The following FAF1 variants were observed in gnomAD, a reference collection of about 807,000 sequenced individuals.
The protein encoded by FAF1 is FAS-associated factor 1.
A neutral mutation model predicts 92.5 loss-of-function variants in FAF1; 25 were observed. The observed-to-expected ratio is 0.27, with a 90% confidence interval of 0.20 to 0.38. The LOEUF is 0.38. Ranked by LOEUF, FAF1 falls within the 10% of genes least tolerant of loss-of-function variation. The pLI is 1.00. For synonymous variants in FAF1, 234 were observed against 273.2 expected (o/e 0.86, Z 1.42); for missense variants, 636 against 793.3 (o/e 0.80, Z 2.38).
chr1:50,601,004 A>G (rs1652096367), intron 8 of FAF1, among the ~76,000 whole-genome samples: 1 of 152,198 alleles, frequency 6.6e-6, no homozygotes. Flanking sequence ...CAAGTGCAAA[A>G]GGATCCTGAG....
chr1:50,773,639 A>G (rs1356319611), intron 4 of FAF1, among the ~76,000 whole-genome samples: 5 of 152,206 alleles, frequency 3.3e-5, no homozygotes, highest in African/African-American at 1.2e-4. Flanking sequence ...GAATCCACAT[A>G]TGAAGTAGAG....
intron 6 of FAF1, among the ~76,000 whole-genome samples, chr1:50,715,427 T>C (rs6693790): frequency 0.43 from 66,018 of 151,886 alleles, 15,506 homozygotes; most frequent in African/African-American, 0.59. Flanking sequence ...CACAGAAAGG[T>C]CCTGTCTCAA....
chr1:50,915,616 G>A (rs1006451084), intron 1 of FAF1, among the ~76,000 whole-genome samples: 1 of 151,888 alleles, frequency 6.6e-6, no homozygotes, highest in Non-Finnish European at 1.5e-5. Context: ...GCAGGGGGCT[G>A]AAAATAGGAG....
At chr1:50,547,143 T>C (rs892361419) in intron 13 of FAF1, among the ~76,000 whole-genome samples, 1 of 151,954 alleles carries the variant, frequency 6.6e-6, no homozygotes, top group Non-Finnish European at 1.5e-5. Context: ...TCCACTGGCC[T>C]CACCCTCCCA....
intron 12 of FAF1, among the ~76,000 whole-genome samples, chr1:50,579,689 T>C (rs1327319894): frequency 5.3e-5 from 8 of 152,176 alleles, no homozygotes; most frequent in African/African-American, 1.7e-4. Context: ...AAGGAAACAA[T>C]CACACAAATC....
At chr1:50,705,183 G>T (rs529618813) in intron 7 of FAF1, among the ~76,000 whole-genome samples, 65 of 152,264 alleles carry the variant, frequency 4.3e-4, no homozygotes, top group Admixed American at 2.6e-3. Flanking sequence ...TGGGGCCCAA[G>T]GCATACCAAC....
intron 15 of FAF1, among the ~76,000 whole-genome samples, chr1:50,525,459 G>A (rs1247494607): frequency 6.6e-6 from 1 of 152,180 alleles, no homozygotes; most frequent in Non-Finnish European, 1.5e-5. Context: ...TTTTGTTGGT[G>A]TGGAATCTCT....
chr1:50,939,376 G>C (rs959186569), intron 1 of FAF1, among the ~76,000 whole-genome samples: 4 of 152,126 alleles, frequency 2.6e-5, no homozygotes, highest in African/African-American at 9.7e-5. Flanking sequence ...GGGCGTTACT[G>C]GTGTATAGAA....
At chr1:50,649,096 T>C (rs569377264) in intron 8 of FAF1, among the ~76,000 whole-genome samples, 9 of 151,680 alleles carry the variant, frequency 5.9e-5, no homozygotes, top group African/African-American at 1.7e-4. Context: ...GATTCATTTC[T>C]ATTTAAGAGT....
At chr1:50,516,844 A>G (rs1647237516) in intron 15 of FAF1, among the ~76,000 whole-genome samples, 1 of 152,206 alleles carries the variant, frequency 6.6e-6, no homozygotes, top group Admixed American at 6.5e-5. Flanking sequence ...GATTTTCACA[A>G]ACACTTTGGA....
chr1:50,442,553 C>T (rs1208698234), intron 18 of FAF1, among the ~76,000 whole-genome samples: 1 of 152,228 alleles, frequency 6.6e-6, no homozygotes, highest in Non-Finnish European at 1.5e-5. Flanking sequence ...AAATGGGCAA[C>T]TCCAAGTGTG....
chr1:50,623,915 G>A (rs528782145), intron 8 of FAF1, among the ~76,000 whole-genome samples: 1 of 151,738 alleles, frequency 6.6e-6, no homozygotes, highest in South Asian at 2.1e-4. Flanking sequence ...TCCAGCTTGG[G>A]TGACAGAGCG....
intron 3 of FAF1, among the ~76,000 whole-genome samples, chr1:50,789,902 G>A (rs183788823): frequency 9.9e-5 from 15 of 152,080 alleles, no homozygotes; most frequent in African/African-American, 3.4e-4. Context: ...AATCATTCCC[G>A]TTTCACAGAG....
At chr1:50,503,126 A>G (rs1311075728) in intron 15 of FAF1, among the ~76,000 whole-genome samples, 1 of 152,152 alleles carries the variant, frequency 6.6e-6, no homozygotes, top group Non-Finnish European at 1.5e-5. Flanking sequence ...GGTATGAGCC[A>G]CTGCACCTTG....
chr1:50,813,258 A>T (rs998236968), intron 2 of FAF1, among the ~76,000 whole-genome samples: 5 of 152,204 alleles, frequency 3.3e-5, no homozygotes, highest in African/African-American at 4.8e-5. Flanking sequence ...TTGAAAAAAA[A>T]TTTCATTTTT....
At chr1:50,635,074 A>C (rs898334030) in intron 8 of FAF1, among the ~76,000 whole-genome samples, 1 of 152,214 alleles carries the variant, frequency 6.6e-6, no homozygotes, top group African/African-American at 2.4e-5. Flanking sequence ...ATACTCATCT[A>C]CACTTTAAGT....
intron 1 of FAF1, among the ~76,000 whole-genome samples, chr1:50,928,655 C>T (rs369213493): frequency 4.0e-5 from 6 of 151,026 alleles, no homozygotes; most frequent in African/African-American, 7.3e-5. Context: ...TGATGGCGGG[C>T]GCCTGTAATC....
chr1:50,665,766 A>G (rs1050782121), intron 7 of FAF1, among the ~76,000 whole-genome samples: 56 of 152,252 alleles, frequency 3.7e-4, no homozygotes, highest in African/African-American at 1.3e-3. Context: ...ATTTGGTTAT[A>G]TAAAAAGTTG....
chr1:50,633,949 A>T (rs1315930112), intron 8 of FAF1, among the ~76,000 whole-genome samples: 1 of 152,246 alleles, frequency 6.6e-6, no homozygotes, highest in Admixed American at 6.5e-5. Context: ...ACAATTGTCA[A>T]CAAACATACA....
Sources: gnomAD v4.1 joint callset for allele counts (sites outside exome capture counted in the v4.1 genomes callset) on GRCh38, gnomAD v4.1.1 for gene constraint, MANE v1.5 for transcripts, NCBI Gene and HGNC (gene_info 2026-07-23, HGNC 2026-07-21) for gene names.